Variants in AGAP2 observed in about 807,000 individuals in gnomAD.
The protein encoded by AGAP2 is arf-GAP with GTPase, ANK repeat and PH domain-containing protein 2.
A neutral mutation model predicts 110.9 loss-of-function variants in AGAP2; 32 were observed. The ratio of observed to expected loss-of-function variants is 0.29; its 90% CI spans 0.22 to 0.39. The LOEUF (loss-of-function observed/expected upper bound fraction) is 0.39. Ranked by LOEUF, AGAP2 falls within the 10% of genes least tolerant of loss-of-function variation. AGAP2 has a pLI of 1.00. For synonymous variants in AGAP2, 702 were observed against 713.0 expected (o/e 0.98, Z 0.25); for missense variants, 1,285 against 1,638.5 (o/e 0.78, Z 3.72).
At chr12:57,740,511 A>T (rs560213019), upstream of AGAP2, among the ~76,000 whole-genome samples, 7 of 152,282 alleles carry the variant, frequency 4.6e-5, no homozygotes, top group African/African-American at 1.4e-4. Context: ...ATCACTTATG[A>T]GGAGTGAAGC....
Position 57,737,545 on chromosome 12 carries a change from G to A in AGAP2, c.702C>T (p.Val234=). 6.4e-7 allele frequency: 1 copy of A among 1,555,500 alleles called. No individual in the cohort carries two copies. The highest frequency in any genetic ancestry group is 8.7e-7 in the Non-Finnish European group (1 of 1,150,324). ...CGGCGGCGGCGGTGGCGGCGGCAGAGACCGAAGCTCCAGTCCCGGCGCTGC... is the reference window on the plus strand; with the variant it reads ...CGGCGGCGGCGGTGGCGGCGGCAGAAACCGAAGCTCCAGTCCCGGCGCTGC... ...SKSSAGTGAS[V]SAAATAAAAG... The change falls in exon 1 of 19, where the codon GTC becomes GTT. Residue 234 remains valine (V), a synonymous_variant. Coordinates refer to ENST00000547588, the MANE Select transcript of AGAP2 (RefSeq NM_001122772.3). This position sits in a 1 kb window ranked among gnomAD's most constrained non-coding sequence, Gnocchi z 5.9.
At position 57,737,680 on chromosome 12, in the gene AGAP2, A is replaced by G; in HGVS notation, c.567T>C (p.Pro189=). ...KVAPPPPAPK[P]CKTVTTSGAK... is the part of the protein sequence containing the mutation. Reference sequence around the variant, plus strand: ...CTCCACTCGTGGTCACGGTCTTGCAAGGCTTGGGAGCCGGCGGAGGAGGCG... The same window carrying G: ...CTCCACTCGTGGTCACGGTCTTGCAGGGCTTGGGAGCCGGCGGAGGAGGCG... The change falls in exon 1 of 19, where the codon CCT becomes CCC. Residue 189 remains proline, a synonymous_variant. Transcript: ENST00000547588. The surrounding 1 kb of genome is among the most constrained non-coding windows in gnomAD (Gnocchi z 5.9). 1 of 1,549,346 alleles carries G rather than the reference A, an allele frequency of 6.5e-7. No homozygotes were observed. Among genetic ancestry groups the G allele is most frequent in the Non-Finnish European group, 8.7e-7 (1 of 1,148,802 alleles).
At chr12:57,728,568 T>A (rs570587130) in intron 13 of AGAP2, among the ~76,000 whole-genome samples, 191 bp from the exon 14 acceptor site, 2 of 151,090 alleles carry the variant, frequency 1.3e-5, no homozygotes, top group Non-Finnish European at 3.0e-5. Context: ...CGGAGCAGAG[T>A]GGAACAGAAG....
rs1297426141 is a variant in AGAP2 at position 57,737,640 on chromosome 12, C to G, written c.607G>C (p.Gly203Arg). 2 of 1,547,306 alleles carry G rather than the reference C, an allele frequency of 1.3e-6. No homozygotes were observed. The highest frequency in any genetic ancestry group is 1.7e-6 in the Non-Finnish European group (2 of 1,146,754). The change falls in exon 1 of 19, where the codon GGC (glycine) becomes CGC (arginine). Residue 203 changes from glycine to arginine, a missense_variant. Physicochemically the swap from Gly to Arg is moderately radical, Grantham distance 125 (BLOSUM62 -2). Around this residue, in one of 7 missense-constraint regions of AGAP2, gnomAD observed 844 missense variants for 941.2 expected, o/e 0.90. Transcript: ENST00000547588. This position sits in a 1 kb window ranked among gnomAD's most constrained non-coding sequence, Gnocchi z 5.9. ...VTTSGAKAGG[G>R]KGAGSRLSWP... ...GACAGGCGGCTACCCGCGCCCTTGCCCCCGCCGGCTTTGGCTCCACTCGTG... is the reference window on the plus strand; with the variant it reads ...GACAGGCGGCTACCCGCGCCCTTGCGCCCGCCGGCTTTGGCTCCACTCGTG...
At chr12:57,736,919 C>A (rs929990339) in intron 1 of AGAP2, among the ~76,000 whole-genome samples, 160 bp downstream of exon 1, 1 of 152,218 alleles carries the variant, frequency 6.6e-6, no homozygotes, top group Non-Finnish European at 1.5e-5. Context: ...CGCTTCAGGA[C>A]TCCTATTCTT....
In AGAP2 at chr12:57,731,354, T is replaced by TCTGCCACTCA; in HGVS notation, c.2145+2_2145+11dup. 6.2e-7 allele frequency: 1 copy of TCTGCCACTCA among 1,608,014 alleles called. No homozygotes were observed. Among genetic ancestry groups the TCTGCCACTCA allele is most frequent in the African/African-American group, 1.3e-5 (1 of 74,902 alleles). The stretch of plus-strand genomic sequence containing the variant: ...CAAAGCTGGCCAATGTGGCCCAGTC[T>TCTGCCACTCA]CTGCCACTCACGTTAATACTGGGGT... On this transcript the variant is annotated intron_variant, in intron 10 of 18. Transcript: ENST00000547588.
chr12:57,731,593 T>G lies in AGAP2; in HGVS notation c.2003A>C (p.Glu668Ala). ...SEKRSLDSRG[E>A]TTGSGRAIPI... is the part of the protein sequence containing the mutation. ...GATGGCTCGCCCACTCCCTGTTGTC[T>G]CTCCCCGACTATCCAAGCTTCGTTT... is the stretch of plus-strand genomic sequence containing the variant. Residue 668 changes from glutamate to alanine, a missense_variant, in exon 9 of 19, where the codon GAG becomes GCG. By Grantham distance (107) the Glu-to-Ala change is moderately radical (BLOSUM62 -1). This residue lies in a region of AGAP2 where 844 missense variants were observed against 941.2 expected (regional missense o/e 0.90). Coordinates refer to ENST00000547588, the MANE Select transcript of AGAP2 (RefSeq NM_001122772.3). 6.2e-7 allele frequency: 1 copy of G among 1,613,478 alleles called. No individual in the cohort carries two copies. Among genetic ancestry groups the G allele is most frequent in the Non-Finnish European group, 8.5e-7 (1 of 1,179,810 alleles).
At chr12:57,740,205 T>TG (rs1443314396), upstream of AGAP2, among the ~76,000 whole-genome samples, 1 of 143,922 alleles carries the variant, frequency 6.9e-6, no homozygotes, top group Non-Finnish European at 1.5e-5. Flanking sequence ...CTTGGCCTGG[T>TG]GGGGGGCTGA....
At chr12:57,735,518 A>AC (rs1954964062) in intron 1 of AGAP2, 91 bp from the exon 2 acceptor site, 1 of 1,259,252 alleles carries the variant, frequency 7.9e-7, no homozygotes, top group Non-Finnish European at 1.1e-6. Flanking sequence ...GCAGCTTTCC[A>AC]ACCCCCCCCC....
At chr12:57,729,199 GA>G (rs1186860064) in intron 13 of AGAP2, among the ~76,000 whole-genome samples, 31 of 141,508 alleles carry the variant, frequency 2.2e-4, no homozygotes, top group African/African-American at 6.0e-4. Context: ...AAAAAGAAAA[GA>G]AAAAAAAAAG....
chr12:57,726,461 G>A lies in AGAP2; in HGVS notation c.*91C>T. The A allele has an allele frequency of 9.0e-7, 1 of 1,115,790 alleles. No individual in the cohort carries two copies. Among genetic ancestry groups the A allele is most frequent in the Non-Finnish European group, 1.1e-6 (1 of 909,144 alleles). The allele number at this position is 1,115,790 out of a possible 1,614,324, so 69.1% of individuals were successfully genotyped here. On this transcript the variant is annotated 3_prime_UTR_variant, in exon 19 of 19. Transcript: ENST00000547588. This position sits in a 1 kb window ranked among gnomAD's most constrained non-coding sequence, Gnocchi z 5.7. ...CTCCCGTGGGGCGGGGTGCGGATCG[G>A]AGAGGTGAGTGGGTGCGTCTGTCCA...
chr12:57,737,560 C>T lies in AGAP2; in HGVS notation c.687G>A (p.Gly229=), dbSNP rs1297498810. The change falls in exon 1 of 19, where the codon GGG becomes GGA. Residue 229 remains glycine, a synonymous_variant. Coordinates refer to ENST00000547588, the MANE Select transcript of AGAP2 (RefSeq NM_001122772.3). The surrounding 1 kb of genome is among the most constrained non-coding windows in gnomAD (Gnocchi z 5.9). ...CGGCGGCAGAGACCGAAGCTCCAGT[C>T]CCGGCGCTGCTCTTTGACCCCTTGA... ...PRVKGSKSSA[G]TGASVSAAAT... The T allele has an allele frequency of 4.5e-6, 7 of 1,550,544 alleles. No homozygotes were observed. Among genetic ancestry groups the T allele is most frequent in the Admixed American group, 3.9e-5 (2 of 51,108 alleles).
In AGAP2 at chr12:57,725,961, C is replaced by T. The variant is rs1298087355; in HGVS notation, c.*591G>A. 6.6e-6 allele frequency: 1 copy of T among 151,816 alleles called. No individual in the cohort carries two copies. Among genetic ancestry groups the T allele is most frequent in the Non-Finnish European group, 1.5e-5 (1 of 68,008 alleles). 9.4% of individuals were successfully genotyped at this position (151,816 alleles called of 1,614,324 possible). A position where few individuals can be genotyped will look rare whatever the true frequency, so the allele number is the denominator to read the frequency against. On this transcript the variant is annotated 3_prime_UTR_variant, in exon 19 of 19. Transcript: ENST00000547588. ...GGTTTCCACTACTCACGGTCCCTTT[C>T]ACGGAAAGGGTTGGGAACCCCCACC...
chr12:57,727,007 G>A lies in AGAP2; in HGVS notation c.3303C>T (p.Leu1101=). 1 of 1,605,298 alleles carries A rather than the reference G, an allele frequency of 6.2e-7. No homozygotes were observed. The highest frequency in any genetic ancestry group is 8.5e-7 in the Non-Finnish European group (1 of 1,176,402). ...GCAGTTGCGTGATGACGACGTGGGCGAGCTCGGCCGCCAGGTGGAGTGGGG... is the reference window on the plus strand; with the variant it reads ...GCAGTTGCGTGATGACGACGTGGGCAAGCTCGGCCGCCAGGTGGAGTGGGG... ...LRSPLHLAAE[L]AHVVITQLLL... The change falls in exon 18 of 19, where the codon CTC becomes CTT. Residue 1101 remains leucine, a synonymous_variant. Coordinates refer to ENST00000547588, the MANE Select transcript of AGAP2 (RefSeq NM_001122772.3).
At chr12:57,739,299 C>T (rs1955047755), upstream of AGAP2, among the ~76,000 whole-genome samples, 2 of 152,044 alleles carry the variant, frequency 1.3e-5, no homozygotes, top group African/African-American at 4.8e-5. Context: ...CCCTGAAATC[C>T]CTTCCCCCAG....
chr12:57,735,512 C>G, intron 1 of AGAP2, 85 bp from the exon 2 acceptor site: 1 of 1,294,870 alleles, frequency 7.7e-7, no homozygotes, highest in Non-Finnish European at 1.1e-6. Context: ...CCCTCTGCAG[C>G]TTTCCAACCC....
Position 57,738,388 on chromosome 12 carries a change from C to T in AGAP2, c.-142G>A. The T allele has an allele frequency of 2.9e-6, 3 of 1,047,098 alleles. No homozygotes were observed. The highest frequency in any genetic ancestry group is 3.6e-6 in the Non-Finnish European group (3 of 827,890). The allele number at this position is 1,047,098 out of a possible 1,614,324, so 64.9% of individuals were successfully genotyped here. A position where few individuals can be genotyped will look rare whatever the true frequency, so the allele number is the denominator to read the frequency against. On this transcript the variant is annotated 5_prime_UTR_variant, in exon 1 of 19. Transcript: ENST00000547588. This position sits in a 1 kb window ranked among gnomAD's most constrained non-coding sequence, Gnocchi z 6.7. ...CCCGGCCCGGCTCCGCTGTCGCCGCCGCCTCCGCCGCCTCCGCTTGCGCCC... is the reference window on the plus strand; with the variant it reads ...CCCGGCCCGGCTCCGCTGTCGCCGCTGCCTCCGCCGCCTCCGCTTGCGCCC...
At chr12:57,735,506 C>A in intron 1 of AGAP2, 79 bp from the exon 2 acceptor site, 1 of 1,365,374 alleles carries the variant, frequency 7.3e-7, no homozygotes, top group African/African-American at 1.4e-5. Flanking sequence ...CCTCCTCCCT[C>A]TGCAGCTTTC....
chr12:57,742,056 G>C (rs1227772618), upstream of AGAP2: 1 of 1,614,046 alleles, frequency 6.2e-7, no homozygotes, highest in Admixed American at 1.7e-5. Context: ...ACAACGAACT[G>C]CCTCTGGGCA....
Sources: gnomAD v4.1 joint callset for allele counts (sites outside exome capture counted in the v4.1 genomes callset) on GRCh38, gnomAD v4.1.1 for gene constraint, gnomAD v4.1.1 regional missense constraint, Gnocchi (gnomAD v3.1) non-coding constraint, MANE v1.5 for transcripts, NCBI Gene and HGNC (gene_info 2026-07-23, HGNC 2026-07-21) for gene names.